The following ZNHIT6 variants were observed in gnomAD, a reference collection of about 807,000 sequenced individuals.
The protein encoded by ZNHIT6 is box C/D snoRNA protein 1.
Under a neutral mutation model 57.2 loss-of-function variants are expected in ZNHIT6, and 45 were observed. The observed-to-expected ratio is 0.79, with a 90% confidence interval of 0.62 to 1.01. The LOEUF (loss-of-function observed/expected upper bound fraction) is 1.01, where lower values mean the gene tolerates loss of function less well. Among genes scored for constraint, ZNHIT6 ranks in the 50% least tolerant of loss-of-function variants. The pLI is 0.00. For synonymous variants in ZNHIT6, 188 were observed against 190.0 expected (o/e 0.99, Z 0.09); for missense variants, 528 against 567.3 (o/e 0.93, Z 0.70).
chr1:85,673,385 G>A (rs1219280579), intron 8 of ZNHIT6, among the ~76,000 whole-genome samples: 1 of 152,144 alleles, frequency 6.6e-6, no homozygotes, highest in Non-Finnish European at 1.5e-5. Context: ...TACATTCTAG[G>A]ATCGCAATTT....
rs1660901367 is a variant in ZNHIT6, at chr1:85,651,287, G to C, written c.*2771C>G. The C allele has an allele frequency of 6.6e-6, 1 of 151,896 alleles. No homozygotes were observed. The highest frequency in any genetic ancestry group is 1.5e-5 in the Non-Finnish European group (1 of 67,994). The allele number at this position is 151,896 out of a possible 1,614,324, so 9.4% of individuals were successfully genotyped here. ...ATTCTGTCACCCAGGCAGTGCCCAG[G>C]AATGCAGTGGAACAATCTCAGCTCA... is the stretch of plus-strand genomic sequence containing the variant. On this transcript the variant is annotated 3_prime_UTR_variant, in exon 10 of 10. Transcript: ENST00000370574.
chr1:85,702,681 T>C (rs1026245064), intron 4 of ZNHIT6, among the ~76,000 whole-genome samples: 5 of 152,218 alleles, frequency 3.3e-5, no homozygotes, highest in Admixed American at 6.5e-5. Context: ...TAGCTGTATA[T>C]ATATATCACT....
chr1:85,677,009 T>C (rs1403317624), intron 8 of ZNHIT6, among the ~76,000 whole-genome samples: 1 of 152,246 alleles, frequency 6.6e-6, no homozygotes, highest in Non-Finnish European at 1.5e-5. Flanking sequence ...TAAAATATTC[T>C]ATTTCCCCTA....
rs1432832430 is a variant in ZNHIT6 at position 85,653,512 on chromosome 1, A to G, written c.*546T>C. 1 of 152,046 alleles carries G rather than the reference A, an allele frequency of 6.6e-6. No homozygotes were observed. Among genetic ancestry groups the G allele is most frequent in the African/African-American group, 2.4e-5 (1 of 41,398 alleles). 9.4% of individuals were successfully genotyped at this position (152,046 alleles called of 1,614,324 possible). Reference sequence around the variant, plus strand: ...CCAGGTGTGGTGGCTGATGCCTGTAATCCCAATGCTTTGGAGTCTGAGGTG... The same window carrying G: ...CCAGGTGTGGTGGCTGATGCCTGTAGTCCCAATGCTTTGGAGTCTGAGGTG... On this transcript the variant is annotated 3_prime_UTR_variant, in exon 10 of 10. Coordinates refer to ENST00000370574, the MANE Select transcript of ZNHIT6 (RefSeq NM_017953.4).
rs1557861022 is a variant in ZNHIT6, at chr1:85,687,295, AAAACAAAAAAAAAAAAC to A, written c.1020-6408_1020-6392del. ...GAAGACTATCTCAAAAAACAAAAAA[AAAACAAAAAAAAAAAAC>A]AATTTAGAACCCAGTACTCAAAAAT... On this transcript the variant is annotated intron_variant, in intron 5 of 9. Coordinates refer to ENST00000370574, the MANE Select transcript of ZNHIT6 (RefSeq NM_017953.4). Among the ~76,000 whole-genome samples, 7 of 133,050 alleles carry A rather than the reference AAAACAAAAAAAAAAAAC, an allele frequency of 5.3e-5. 1 individual carries two copies. The highest frequency in any genetic ancestry group is 1.1e-4 in the African/African-American group (4 of 36,050). 87.3% of individuals were successfully genotyped at this position (133,050 alleles called of 152,430 possible). A position where few individuals can be genotyped will look rare whatever the true frequency, so the allele number is the denominator to read the frequency against.
intron 8 of ZNHIT6, among the ~76,000 whole-genome samples, chr1:85,661,113 T>C (rs1661208576): frequency 6.6e-6 from 1 of 152,222 alleles, no homozygotes; most frequent in South Asian, 2.1e-4. Context: ...TTATCAGTAA[T>C]TTAAAAGTAA....
intron 8 of ZNHIT6, among the ~76,000 whole-genome samples, chr1:85,667,961 A>AAAAAAAAAAAATATATATATATATATAT: frequency 5.5e-5 from 1 of 18,202 alleles, no homozygotes; most frequent in Non-Finnish European, 9.9e-5. Flanking sequence ...AAAAAAAAAA[A>AAAAAAAAAAAATATATATATATATATAT]ATATATATAT....
chr1:85,674,024 A>G (rs139355088), intron 8 of ZNHIT6, among the ~76,000 whole-genome samples: 132 of 152,328 alleles, frequency 8.7e-4, no homozygotes, highest in African/African-American at 3.0e-3. Context: ...ATGCCAATTT[A>G]GGTCCAACTT....
chr1:85,677,166 T>G, intron 8 of ZNHIT6, 70 bp downstream of exon 8: 2 of 1,148,998 alleles, frequency 1.7e-6, no homozygotes, highest in East Asian at 2.5e-5. Context: ...TAACTTGAGC[T>G]AATCAAGCTA....
intron 8 of ZNHIT6, among the ~76,000 whole-genome samples, chr1:85,672,795 CAAA>C: frequency 7.5e-6 from 1 of 133,770 alleles, no homozygotes; most frequent in African/African-American, 2.8e-5. Context: ...GCTTAAATCA[CAAA>C]AAAAAAAAAA....
intron 8 of ZNHIT6, among the ~76,000 whole-genome samples, chr1:85,662,813 C>T (rs1045851076): frequency 1.3e-5 from 2 of 152,102 alleles, no homozygotes; most frequent in African/African-American, 4.8e-5. Flanking sequence ...TGTCTTAATT[C>T]AGAAAGCTCA....
intron 5 of ZNHIT6, among the ~76,000 whole-genome samples, chr1:85,700,372 A>C (rs553820337): frequency 5.4e-4 from 83 of 152,304 alleles, no homozygotes; most frequent in Middle Eastern, 6.8e-3. Flanking sequence ...TCCTCCTGGG[A>C]AACACTAAAA....
rs764038996 is a variant in ZNHIT6, at chr1:85,651,788, G to T, written c.*2270C>A. The stretch of plus-strand genomic sequence containing the variant: ...GAATTTGACAATAAGCTAACATGGA[G>T]AGGGCCTCCAAAAAGATATTGGGTC... On this transcript the variant is annotated 3_prime_UTR_variant, in exon 10 of 10. Transcript: ENST00000370574. 5 of 152,170 alleles carry T rather than the reference G, an allele frequency of 3.3e-5. No homozygotes were observed. The highest frequency in any genetic ancestry group is 4.8e-5 in the African/African-American group (2 of 41,442). The allele number at this position is 152,170 out of a possible 1,614,324, so 9.4% of individuals were successfully genotyped here. A position where few individuals can be genotyped will look rare whatever the true frequency, so the allele number is the denominator to read the frequency against.
intron 5 of ZNHIT6, among the ~76,000 whole-genome samples, chr1:85,701,794 A>T (rs112948429): frequency 3.3e-5 from 5 of 152,346 alleles, no homozygotes; most frequent in African/African-American, 1.2e-4. Flanking sequence ...TTCTCAAACA[A>T]TGAGCATCAT....
chr1:85,705,278 A>G (rs1289732143), intron 4 of ZNHIT6, among the ~76,000 whole-genome samples: 1 of 151,886 alleles, frequency 6.6e-6, no homozygotes, highest in East Asian at 1.9e-4. Context: ...TAGTGGCGCA[A>G]TCATGGCTCA....
At position 85,672,267 on chromosome 1, in the gene ZNHIT6, T is replaced by G. The variant is rs151184211; in HGVS notation, c.1247+4969A>C. ...TATTTATTGCTCCCTATAGCCAACT[T>G]GATCACCAAGTCTTACTGCTTTTTT... On this transcript the variant is annotated intron_variant, in intron 8 of 9. Transcript: ENST00000370574. Among the ~76,000 whole-genome samples the G allele has an allele frequency of 1.9e-3, 288 of 152,242 alleles. 6 individuals are homozygous for G. The highest frequency in any genetic ancestry group is 1.5e-4 in the Non-Finnish European group (10 of 68,014).
At chr1:85,706,832 G>C (rs1167184068) in intron 1 of ZNHIT6, among the ~76,000 whole-genome samples, 1 of 152,188 alleles carries the variant, frequency 6.6e-6, no homozygotes, top group African/African-American at 2.4e-5. Context: ...GGTAATGATT[G>C]TATGTGTGTG....
At chr1:85,687,308 A>AAAAAAAAAAAAAAAAAAC (rs1662088814) in intron 5 of ZNHIT6, among the ~76,000 whole-genome samples, 1 of 145,142 alleles carries the variant, frequency 6.9e-6, no homozygotes, top group African/African-American at 2.5e-5. Flanking sequence ...ACAAAAAAAA[A>AAAAAAAAAAAAAAAAAAC]AAACAATTTA....
At chr1:85,705,209 C>G (rs1440575114) in intron 4 of ZNHIT6, among the ~76,000 whole-genome samples, 1 of 152,022 alleles carries the variant, frequency 6.6e-6, no homozygotes, top group Non-Finnish European at 1.5e-5. Flanking sequence ...AAACCCTCAC[C>G]AGTTTCTTTT....
Sources: allele counts gnomAD v4.1 joint callset (sites outside exome capture counted in the v4.1 genomes callset), GRCh38; gene constraint gnomAD v4.1.1; transcripts MANE v1.5; gene names NCBI Gene and HGNC (gene_info 2026-07-23, HGNC 2026-07-21).